TAOK3: variants seen among roughly 807,000 people sequenced by gnomAD.
TAOK3 encodes the protein serine/threonine-protein kinase TAO3.
In TAOK3, 40 loss-of-function variants were observed where a neutral mutation model predicts 120.4. That is an observed-to-expected ratio of 0.33 (90% CI 0.26 to 0.43). TAOK3 has a LOEUF of 0.43. Ranked by LOEUF, TAOK3 falls within the 20% of genes least tolerant of loss-of-function variation. The probability of loss-of-function intolerance (pLI) is 1.00; values close to 1 mark genes in which losing one functional copy is unlikely to be tolerated. For missense variants in TAOK3, 821 were observed against 1,112.1 expected, an observed-to-expected ratio of 0.74 and a Z score of 3.72; for synonymous variants, 355 against 387.5, an observed-to-expected ratio of 0.92 and a Z score of 0.99.
At chr12:118,166,370 C>T (rs1301654839) in intron 17 of TAOK3, among the ~76,000 whole-genome samples, 1 of 151,630 alleles carries the variant, frequency 6.6e-6, no homozygotes, top group East Asian at 1.9e-4. Context: ...TAAACCCTGT[C>T]TCTACCAAAA....
intron 7 of TAOK3, among the ~76,000 whole-genome samples, chr12:118,237,198 A>C (rs2040052635): frequency 6.6e-6 from 1 of 152,172 alleles, no homozygotes; most frequent in Admixed American, 6.5e-5. Flanking sequence ...GTAAGTGGTC[A>C]TGGCTACACT....
At chr12:118,230,506 C>G (rs113077254) in intron 9 of TAOK3, among the ~76,000 whole-genome samples, 3,879 of 106,942 alleles carry the variant, frequency 0.036, 167 homozygotes, top group African/African-American at 0.12. Context: ...GAGTCTTGCT[C>G]TGTCACCCAG....
intron 1 of TAOK3, among the ~76,000 whole-genome samples, chr12:118,357,523 C>T (rs2045447791): frequency 6.6e-6 from 1 of 152,158 alleles, no homozygotes; most frequent in Non-Finnish European, 1.5e-5. Context: ...GAGTTTAAAA[C>T]TTGTCATCTA....
chr12:118,319,768 C>T (rs1449243750), intron 1 of TAOK3, among the ~76,000 whole-genome samples: 2 of 152,104 alleles, frequency 1.3e-5, no homozygotes, highest in African/African-American at 4.8e-5. Context: ...AATGATGCAG[C>T]CTCTATGGAA....
chr12:118,268,564 C>T (rs1165619730), intron 1 of TAOK3, among the ~76,000 whole-genome samples: 1 of 152,156 alleles, frequency 6.6e-6, no homozygotes, highest in Non-Finnish European at 1.5e-5. Context: ...CTAAAACTTG[C>T]CTGAATTCAG....
intron 1 of TAOK3, among the ~76,000 whole-genome samples, chr12:118,267,495 G>A (rs1272688729): frequency 1.3e-5 from 2 of 151,110 alleles, no homozygotes; most frequent in Non-Finnish European, 3.0e-5. Flanking sequence ...GATTACAGGC[G>A]TGAGCCACCG....
intron 9 of TAOK3, among the ~76,000 whole-genome samples, chr12:118,230,637 T>A (rs1292334092): frequency 7.9e-5 from 12 of 151,588 alleles, no homozygotes; most frequent in Non-Finnish European, 2.9e-5. Context: ...CCTGGCTAAT[T>A]TTTTTGTATT....
Position 118,328,609 on chromosome 12 carries a change from A to C in TAOK3, c.-194+44039T>G, listed in dbSNP as rs115792919. Among the ~76,000 whole-genome samples, 595 of 152,284 alleles carry C rather than the reference A, an allele frequency of 3.9e-3. 6 individuals are homozygous for C. The highest frequency in any genetic ancestry group is 0.014 in the African/African-American group (568 of 41,558). On this transcript the variant is annotated intron_variant, in intron 1 of 20. Coordinates refer to ENST00000392533, the MANE Select transcript of TAOK3 (RefSeq NM_016281.4). Reference sequence around the variant, plus strand: ...TGTATTTTACTATTAAAAAAACAAAAACCACAGTTATTTCAGAAATTCACA... The same window carrying C: ...TGTATTTTACTATTAAAAAAACAAACACCACAGTTATTTCAGAAATTCACA...
At chr12:118,369,144 C>T (rs1257983434) in intron 1 of TAOK3, among the ~76,000 whole-genome samples, 1 of 151,674 alleles carries the variant, frequency 6.6e-6, no homozygotes, top group African/African-American at 2.4e-5. Flanking sequence ...GAGAATATCC[C>T]GCCACTGCAC....
At chr12:118,315,243 T>TA (rs1282407075) in intron 1 of TAOK3, among the ~76,000 whole-genome samples, 1 of 147,538 alleles carries the variant, frequency 6.8e-6, no homozygotes, top group Admixed American at 6.7e-5. Flanking sequence ...TTCATAATGG[T>TA]AAAAAATGAG....
At chr12:118,342,748 A>G (rs2044667341) in intron 1 of TAOK3, among the ~76,000 whole-genome samples, 1 of 152,112 alleles carries the variant, frequency 6.6e-6, no homozygotes, top group South Asian at 2.1e-4. Context: ...AGCCAGGGCA[A>G]CATGGAGAAA....
intron 11 of TAOK3, among the ~76,000 whole-genome samples, chr12:118,209,348 A>C (rs1014834503): frequency 6.6e-6 from 1 of 152,222 alleles, no homozygotes; most frequent in African/African-American, 2.4e-5. Flanking sequence ...AAATAGGTGC[A>C]GTGGTTGCTA....
rs376609799 is a variant in TAOK3 at position 118,152,209 on chromosome 12, C to T, written c.2535+18G>A. 1.9e-6 allele frequency: 3 copies of T among 1,603,690 alleles called. No homozygotes were observed. In the African/African-American group the frequency reaches 4.0e-5, roughly 21 times the overall value. ...CCTTCCACCCAGTGGCACCGGACCC[C>T]TGGTAATGCTCCCTTACCTTCTGCT... On this transcript the variant is annotated intron_variant, in intron 20 of 20. Transcript: ENST00000392533.
rs1016292310 is a variant in TAOK3 at position 118,156,470 on chromosome 12, C to T, written c.2352+3676G>A. ...GGGCCCTCTTCTTCCTCTAACCGCT[C>T]TTCCTAAGAATCTCATCTATTTCAA... On this transcript the variant is annotated intron_variant, in intron 19 of 20. Coordinates refer to ENST00000392533, the MANE Select transcript of TAOK3 (RefSeq NM_016281.4). 2.0e-5 allele frequency among the ~76,000 whole-genome samples: 3 copies of T among 152,160 alleles called. No individual in the cohort carries two copies. The East Asian group carries it at 5.8e-4, about 29-fold the overall frequency.
intron 1 of TAOK3, among the ~76,000 whole-genome samples, chr12:118,356,759 G>T (rs116549106): frequency 0.089 from 13,461 of 151,720 alleles, 1,552 homozygotes; most frequent in African/African-American, 0.26. Flanking sequence ...CAAAAAAAAA[G>T]AAACTTTAAA....
In TAOK3 at chr12:118,182,599, G is replaced by GTATATA. The variant is rs1212615187; in HGVS notation, c.1330-998_1330-993dup. On this transcript the variant is annotated intron_variant, in intron 14 of 20. Transcript: ENST00000392533. ...TGTATATGTGTGTGTGTGTGTGTGT[G>GTATATA]TATATATATATATATATATATATAT... Among the ~76,000 whole-genome samples, 328 of 93,850 alleles carry GTATATA rather than the reference G, an allele frequency of 3.5e-3. 1 individual carries two copies. The highest frequency in any genetic ancestry group is 8.9e-3 in the African/African-American group (186 of 20,796). The allele number at this position is 93,850 out of a possible 152,430, so 61.6% of individuals were successfully genotyped here. A position where few individuals can be genotyped will look rare whatever the true frequency, so the allele number is the denominator to read the frequency against.
intron 1 of TAOK3, among the ~76,000 whole-genome samples, chr12:118,275,261 T>C: frequency 6.6e-6 from 1 of 151,862 alleles, no homozygotes; most frequent in South Asian, 2.1e-4. Context: ...GTCTCAGCCT[T>C]CCAATTAGCT....
At chr12:118,187,295 T>C (rs1211227805) in intron 14 of TAOK3, among the ~76,000 whole-genome samples, 1 of 152,202 alleles carries the variant, frequency 6.6e-6, no homozygotes, top group Non-Finnish European at 1.5e-5. Context: ...ATGACTTGAT[T>C]TTTTATTATA....
intron 14 of TAOK3, among the ~76,000 whole-genome samples, chr12:118,183,720 G>GA (rs2036907934): frequency 6.6e-6 from 1 of 152,066 alleles, no homozygotes. Flanking sequence ...CTATTTTTCA[G>GA]AAAAATATGG....
Sources: gnomAD v4.1 joint callset for allele counts (sites outside exome capture counted in the v4.1 genomes callset) on GRCh38, gnomAD v4.1.1 for gene constraint, MANE v1.5 for transcripts, NCBI Gene and HGNC (gene_info 2026-07-23, HGNC 2026-07-21) for gene names.